PCDHA8: variants seen among roughly 807,000 people sequenced by gnomAD.
PCDHA8 encodes the protein protocadherin alpha 8, also known as protocadherin alpha-8.
A neutral mutation model predicts 61.8 loss-of-function variants in PCDHA8; 53 were observed. The observed-to-expected ratio is 0.86, with a 90% CI of 0.69 to 1.08. The LOEUF (loss-of-function observed/expected upper bound fraction) is 1.08, where lower values mean the gene tolerates loss of function less well. PCDHA8 is among the 50% of genes least tolerant of loss of function. PCDHA8 has a pLI of 0.00. For synonymous variants in PCDHA8, 618 were observed against 556.6 expected (o/e 1.11, Z -1.55); for missense variants, 1,293 against 1,245.0 (o/e 1.04, Z -0.58).
chr5:141,006,282 G>A (rs2098265578), intron 3 of PCDHA8, among the ~76,000 whole-genome samples: 1 of 151,970 alleles, frequency 6.6e-6, no homozygotes, highest in Non-Finnish European at 1.5e-5. Context: ...CACGATCTCA[G>A]CTCACTGCAA....
intron 1 of PCDHA8, among the ~76,000 whole-genome samples, chr5:140,935,636 G>A (rs1554210607): frequency 6.6e-6 from 1 of 152,052 alleles, no homozygotes; most frequent in African/African-American, 2.4e-5. Context: ...TTTAGGGCTT[G>A]CTTTTTAAAT....
At chr5:140,849,522 G>A in intron 1 of PCDHA8, 2 of 1,597,478 alleles carry the variant, frequency 1.3e-6, no homozygotes, top group Middle Eastern at 1.7e-4. Context: ...AGTTGTGGAT[G>A]TAAATGACAA....
intron 1 of PCDHA8, among the ~76,000 whole-genome samples, chr5:140,961,632 A>G (rs373824042): frequency 7.9e-5 from 12 of 152,214 alleles, no homozygotes; most frequent in South Asian, 4.1e-4. Flanking sequence ...ATGAAAAACA[A>G]TCTTAAGTCT....
At position 140,843,442 on chromosome 5, in the gene PCDHA8, A is replaced by C; in HGVS notation, c.2121A>C (p.Val707=). The C allele has an allele frequency of 1.3e-6, 2 of 1,596,116 alleles. No individual in the cohort carries two copies. Among genetic ancestry groups the C allele is most frequent in the Non-Finnish European group, 1.7e-6 (2 of 1,165,666 alleles). The part of the protein sequence containing the change: ...NVYLIIAICA[V]SSLLVLTLLL... ...ACCTGATCATCGCCATCTGCGCGGTATCCAGCCTGCTGGTGCTCACGCTGC... is the reference window on the plus strand; with the variant it reads ...ACCTGATCATCGCCATCTGCGCGGTCTCCAGCCTGCTGGTGCTCACGCTGC... Residue 707 remains valine, a synonymous_variant, in exon 1 of 4, where the codon GTA becomes GTC. Coordinates refer to ENST00000531613, the MANE Select transcript of PCDHA8 (RefSeq NM_018911.3).
At chr5:140,919,262 G>A (rs1482345606) in intron 1 of PCDHA8, among the ~76,000 whole-genome samples, 2 of 152,142 alleles carry the variant, frequency 1.3e-5, no homozygotes, top group African/African-American at 4.8e-5. Context: ...TCTGATATTA[G>A]TGTAGTCACT....
chr5:140,990,296 T>C (rs1231552034), intron 3 of PCDHA8, among the ~76,000 whole-genome samples: 12 of 152,300 alleles, frequency 7.9e-5, no homozygotes, highest in African/African-American at 2.9e-4. Flanking sequence ...ATCGATGCCA[T>C]TGTCTGTAAA....
intron 3 of PCDHA8, among the ~76,000 whole-genome samples, chr5:140,993,561 T>C (rs1282310511): frequency 6.6e-6 from 1 of 151,800 alleles, no homozygotes; most frequent in Non-Finnish European, 1.5e-5. Flanking sequence ...GTATATAGTA[T>C]CCTTTCTAGG....
intron 3 of PCDHA8, among the ~76,000 whole-genome samples, chr5:140,983,425 C>T (rs1252010683): frequency 2.0e-5 from 3 of 152,198 alleles, no homozygotes; most frequent in Non-Finnish European, 4.4e-5. Context: ...GTAGAGACCA[C>T]AAATTGTGTC....
intron 1 of PCDHA8, among the ~76,000 whole-genome samples, chr5:140,914,272 A>G (rs1356508399): frequency 2.0e-5 from 3 of 152,212 alleles, no homozygotes; most frequent in Non-Finnish European, 4.4e-5. Context: ...GGGTGCATAT[A>G]TATTTATAAT....
At chr5:140,951,326 T>C (rs2094571744) in intron 1 of PCDHA8, among the ~76,000 whole-genome samples, 1 of 152,158 alleles carries the variant, frequency 6.6e-6, no homozygotes, top group Admixed American at 6.5e-5. Context: ...TTGAGATTCA[T>C]CATTCTGTTT....
At chr5:140,910,925 TA>T (rs2075234137) in intron 1 of PCDHA8, among the ~76,000 whole-genome samples, 2 of 152,226 alleles carry the variant, frequency 1.3e-5, no homozygotes, top group South Asian at 4.2e-4. Flanking sequence ...CTTATATAAA[TA>T]AGAAAGCTCA....
At position 140,900,569 on chromosome 5, in the gene PCDHA8, A is replaced by AC. The variant is rs201845192; in HGVS notation, c.2394+56856dup. 8.0e-3 allele frequency among the ~76,000 whole-genome samples: 1,218 copies of AC among 152,298 alleles called. 6 individuals carry two copies. Among genetic ancestry groups the AC allele is most frequent in the African/African-American group, 0.019 (786 of 41,566 alleles). On this transcript the variant is annotated intron_variant, in intron 1 of 3. Coordinates refer to ENST00000531613, the MANE Select transcript of PCDHA8 (RefSeq NM_018911.3). The stretch of plus-strand genomic sequence containing the variant: ...TGGGATTACAGGCGTGAGCCACGGC[A>AC]CCGGCCCATTTTCTTTACCCGTTCA...
intron 1 of PCDHA8, chr5:140,851,769 T>C: frequency 1.0e-6 from 1 of 967,128 alleles, no homozygotes; most frequent in Non-Finnish European, 1.2e-6. Flanking sequence ...ATTACCCTTA[T>C]GAATTTAGAT....
At chr5:140,877,468 C>T in intron 1 of PCDHA8, 1 of 1,613,808 alleles carries the variant, frequency 6.2e-7, no homozygotes, top group Non-Finnish European at 8.5e-7. Context: ...GGCCACGGTG[C>T]TGGTGTCGCT....
chr5:140,850,305 A>G lies in PCDHA8; in HGVS notation c.2394+6590A>G, dbSNP rs145743353. ...CGCAGTGGACGCCGACTCGGGCTAC[A>G]ACGCGTGGCTTTCATACGAGCTGCA... On this transcript the variant is annotated intron_variant, in intron 1 of 3. Transcript: ENST00000531613. 1.9e-5 allele frequency: 30 copies of G among 1,596,858 alleles called. 3 individuals carry two copies. Among genetic ancestry groups the G allele is most frequent in the Non-Finnish European group, 2.5e-5 (29 of 1,167,642 alleles).
At chr5:140,897,772 C>T (rs1393087365) in intron 1 of PCDHA8, among the ~76,000 whole-genome samples, 2 of 152,192 alleles carry the variant, frequency 1.3e-5, no homozygotes, top group Non-Finnish European at 2.9e-5. Context: ...ACACTGACTT[C>T]CACAATGGTT....
At chr5:140,883,384 CAG>C (rs1554177987) in intron 1 of PCDHA8, 2 of 1,614,072 alleles carry the variant, frequency 1.2e-6, no homozygotes, top group African/African-American at 2.7e-5. Context: ...TTGCCCTAAT[CAG>C]TGTGTCCGAT....
rs148144382 is a variant in PCDHA8 at position 140,914,978 on chromosome 5, G to C, written c.2395-63971G>C. On this transcript the variant is annotated intron_variant, in intron 1 of 3. Coordinates refer to ENST00000531613, the MANE Select transcript of PCDHA8 (RefSeq NM_018911.3). ...TTTTTTTTTTCTGAGTCAGAGTCTT[G>C]CTCTGCTACCAGGCTGGAGTGCAGT... Among the ~76,000 whole-genome samples the C allele has an allele frequency of 8.9e-3, 1,161 of 130,768 alleles. 6 individuals are homozygous for C. Among genetic ancestry groups the C allele is most frequent in the African/African-American group, 0.022 (758 of 34,950 alleles). 85.8% of individuals were successfully genotyped at this position (130,768 alleles called of 152,430 possible).
chr5:140,850,142 G>A lies in PCDHA8; in HGVS notation c.2394+6427G>A. 8.8e-6 allele frequency: 14 copies of A among 1,595,712 alleles called. 2 individuals are homozygous for A. Among genetic ancestry groups the A allele is most frequent in the Non-Finnish European group, 1.2e-5 (14 of 1,167,856 alleles). On this transcript the variant is annotated intron_variant, in intron 1 of 3. Transcript: ENST00000531613. ...GCGTGCCGCCTCTGGGCAGCAACGT[G>A]ACGCTGCAGGTGTTCGTGCTGGACG...
Sources: gnomAD v4.1 joint callset for allele counts (sites outside exome capture counted in the v4.1 genomes callset) on GRCh38, gnomAD v4.1.1 for gene constraint, MANE v1.5 for transcripts, NCBI Gene and HGNC (gene_info 2026-07-23, HGNC 2026-07-21) for gene names.